Variants in MAU2 observed in about 807,000 individuals in gnomAD.
MAU2 encodes the protein MAU2 sister chromatid cohesion factor.
A neutral mutation model predicts 89.1 loss-of-function variants in MAU2; 9 were observed. The observed-to-expected ratio is 0.10, with a 90% confidence interval of 0.06 to 0.18. MAU2 has a LOEUF of 0.18. MAU2 is among the 10% of genes least tolerant of loss of function. MAU2 has a pLI of 1.00. For missense variants in MAU2, 425 were observed against 803.5 expected, an observed-to-expected ratio of 0.53 and a Z score of 5.69; for synonymous variants, 357 against 343.4, an observed-to-expected ratio of 1.04 and a Z score of -0.44.
At position 19,356,190 on chromosome 19, in the gene MAU2, G is replaced by A. The variant is rs2048177003; in HGVS notation, c.*408G>A. On this transcript the variant is annotated 3_prime_UTR_variant, in exon 19 of 19. Transcript: ENST00000262815. Reference sequence around the variant, plus strand: ...ATCACCCAGGCCTTGATGCCGAGCGGGAGTAGAGTGTTTCCTCTGCTCAAG... The same window carrying A: ...ATCACCCAGGCCTTGATGCCGAGCGAGAGTAGAGTGTTTCCTCTGCTCAAG... 2.6e-6 allele frequency: 1 copy of A among 381,736 alleles called. No homozygotes were observed. The highest frequency in any genetic ancestry group is 2.1e-5 in the African/African-American group (1 of 48,062). The allele number at this position is 381,736 out of a possible 1,614,324, so 23.6% of individuals were successfully genotyped here. A position where few individuals can be genotyped will look rare whatever the true frequency, so the allele number is the denominator to read the frequency against.
chr19:19,321,123 C>T lies in MAU2; in HGVS notation c.264C>T (p.His88=), dbSNP rs780446031. 3.8e-6 allele frequency: 6 copies of T among 1,592,730 alleles called. No homozygotes were observed. Among genetic ancestry groups the T allele is most frequent in the Non-Finnish European group, 5.1e-6 (6 of 1,170,180 alleles). ...AGAACAGCGAGCAGGCGCGCAGCCACCTGGAGAAGGCGGTGAGCGCGGGCC... is the reference window on the plus strand; with the variant it reads ...AGAACAGCGAGCAGGCGCGCAGCCATCTGGAGAAGGCGGTGAGCGCGGGCC... ...HTKNSEQARS[H]LEKAWLISQQ... Residue 88 remains histidine, a synonymous_variant, in exon 1 of 19, where the codon CAC becomes CAT. Coordinates refer to ENST00000262815, the MANE Select transcript of MAU2 (RefSeq NM_015329.4).
chr19:19,350,861 C>T (rs898398419), intron 16 of MAU2, among the ~76,000 whole-genome samples: 11 of 148,860 alleles, frequency 7.4e-5, no homozygotes, highest in Admixed American at 1.4e-4. Context: ...GATCCCACCA[C>T]TGCACTCCAG....
intron 1 of MAU2, among the ~76,000 whole-genome samples, chr19:19,328,615 G>A (rs988897318): frequency 2.5e-4 from 38 of 152,136 alleles, no homozygotes; most frequent in Admixed American, 4.6e-4. Context: ...TAGAGACGGG[G>A]TTTCACCATG....
chr19:19,335,553 GA>G (rs1446559623), intron 1 of MAU2, among the ~76,000 whole-genome samples, 164 bp from the exon 2 acceptor site: 1 of 152,190 alleles, frequency 6.6e-6, no homozygotes, highest in Non-Finnish European at 1.5e-5. Flanking sequence ...GGCTGGATTG[GA>G]GGGGAGTAAG....
rs1183894275 is a variant in MAU2 at position 19,358,615 on chromosome 19, T to C, written c.*2833T>C. On this transcript the variant is annotated 3_prime_UTR_variant, in exon 19 of 19. Transcript: ENST00000262815. ...TAACGGTTTTAGCAGCCTATAACTT[T>C]TCAGCTGGTGCTTTTACTTAGGGAA... is the stretch of plus-strand genomic sequence containing the variant. 2 of 152,282 alleles carry C rather than the reference T, an allele frequency of 1.3e-5. No homozygotes were observed. Among genetic ancestry groups the C allele is most frequent in the African/African-American group, 4.8e-5 (2 of 41,480 alleles). The allele number at this position is 152,282 out of a possible 1,614,324, so 9.4% of individuals were successfully genotyped here.
rs2048164640 is a variant in MAU2, at chr19:19,355,253, C to T, written c.1640-11C>T. The T allele has an allele frequency of 6.2e-7, 1 of 1,613,590 alleles. No individual in the cohort carries two copies. Among genetic ancestry groups the T allele is most frequent in the Non-Finnish European group, 8.5e-7 (1 of 1,179,952 alleles). ...GCAAGGCGGGCCCCCATGCTCATGT[C>T]CCACTCTCAGACCTGAATAAAGCCT... is the stretch of plus-strand genomic sequence containing the variant. On this transcript the variant is annotated splice_polypyrimidine_tract_variant and intron_variant, in intron 17 of 18. Coordinates refer to ENST00000262815, the MANE Select transcript of MAU2 (RefSeq NM_015329.4).
chr19:19,342,710 G>C, intron 8 of MAU2, 29 bp downstream of exon 8: 1 of 1,612,164 alleles, frequency 6.2e-7, no homozygotes, highest in Admixed American at 1.7e-5. Context: ...CCGGGCCAGG[G>C]CTGGGGGCGG....
rs143939101 is a variant in MAU2, at chr19:19,328,339, T to C, written c.276+7204T>C. ...TTTTTTCTTATTTTCCCACCTGTCTTTTAAGCAGACAGATCCATCTTGGTC... is the reference window on the plus strand; with the variant it reads ...TTTTTTCTTATTTTCCCACCTGTCTCTTAAGCAGACAGATCCATCTTGGTC... On this transcript the variant is annotated intron_variant, in intron 1 of 18. Transcript: ENST00000262815. 5.6e-3 allele frequency among the ~76,000 whole-genome samples: 851 copies of C among 152,192 alleles called. 6 individuals are homozygous for C. The highest frequency in any genetic ancestry group is 0.02 in the African/African-American group (812 of 41,500).
chr19:19,331,380 T>C (rs929217387), intron 1 of MAU2, among the ~76,000 whole-genome samples: 5 of 151,748 alleles, frequency 3.3e-5, no homozygotes, highest in African/African-American at 1.2e-4. Flanking sequence ...CGGGCGCCTG[T>C]AGTCCCAGCT....
chr19:19,332,349 T>TTTAGAGCGAGAGACAGGGTCTCGC, intron 1 of MAU2, among the ~76,000 whole-genome samples: 1 of 150,648 alleles, frequency 6.6e-6, no homozygotes, highest in East Asian at 1.9e-4. Flanking sequence ...TTTTTTTTTT[T>TTTAGAGCGAGAGACAGGGTCTCGC]TAGAGCGAGA....
rs2061721306 is a variant in MAU2, at chr19:19,349,181, T to A, written c.1385T>A (p.Phe462Tyr). 6.2e-7 allele frequency: 1 copy of A among 1,614,018 alleles called. No individual in the cohort carries two copies. The highest frequency in any genetic ancestry group is 8.5e-7 in the Non-Finnish European group (1 of 1,180,040). The change falls in exon 15 of 19, where the codon TTC becomes TAC. Residue 462 changes from phenylalanine to tyrosine, a missense_variant. Phe to Tyr is a conservative substitution (Grantham distance 22, BLOSUM62 3). Coordinates refer to ENST00000262815, the MANE Select transcript of MAU2 (RefSeq NM_015329.4). ...VSSHCLRAAA[F>Y]YVRGLFSFFQ... ...TCGCACTGCCTCCGAGCAGCCGCCT[T>A]CTATGTGCGTGGGCTCTTCTCCTTC...
At chr19:19,347,021 G>C in intron 12 of MAU2, 1 of 475,782 alleles carries the variant, frequency 2.1e-6, no homozygotes, top group Non-Finnish European at 3.8e-6. Flanking sequence ...AACCCGACAT[G>C]TTCTGAGGGT....
chr19:19,346,884 G>A (rs533888469), intron 12 of MAU2: 2 of 169,846 alleles, frequency 1.2e-5, no homozygotes, highest in South Asian at 3.2e-4. Flanking sequence ...TATGAAGAGT[G>A]ACCCCCGCCT....
rs2061682747 is a variant in MAU2 at position 19,345,135 on chromosome 19, G to A, written c.1156-169G>A. ...TCTTGTCCCACCCCACATTGGCTTG[G>A]GTCTGAAAGGTGGGGACAGTGAGCA... is the stretch of plus-strand genomic sequence containing the variant. On this transcript the variant is annotated intron_variant, in intron 11 of 18. Coordinates refer to ENST00000262815, the MANE Select transcript of MAU2 (RefSeq NM_015329.4). This position sits in a 1 kb window ranked among gnomAD's most constrained non-coding sequence, Gnocchi z 4.9. 1.4e-6 allele frequency: 1 copy of A among 723,738 alleles called. No homozygotes were observed. Among genetic ancestry groups the A allele is most frequent in the Non-Finnish European group, 2.4e-6 (1 of 422,606 alleles). The allele number at this position is 723,738 out of a possible 1,614,324, so 44.8% of individuals were successfully genotyped here. A position where few individuals can be genotyped will look rare whatever the true frequency, so the allele number is the denominator to read the frequency against.
intron 4 of MAU2, among the ~76,000 whole-genome samples, chr19:19,338,170 GC>G (rs2061612609): frequency 6.6e-6 from 1 of 152,230 alleles, no homozygotes; most frequent in South Asian, 2.1e-4. Flanking sequence ...AGCTCCCCCA[GC>G]AGCCAGGAGT....
intron 16 of MAU2, 80 bp downstream of exon 16, chr19:19,349,516 G>A: frequency 1.6e-6 from 2 of 1,240,538 alleles, no homozygotes; most frequent in East Asian, 2.3e-5. Flanking sequence ...GCACCCTAAG[G>A]GTGGCATGGC....
At chr19:19,351,578 G>T (rs2061745066) in intron 16 of MAU2, among the ~76,000 whole-genome samples, 1 of 151,848 alleles carries the variant, frequency 6.6e-6, no homozygotes, top group African/African-American at 2.4e-5. Context: ...TAATTGGGAG[G>T]CTGAGGTGGG....
rs1274606263 is a variant in MAU2, at chr19:19,320,897, C to T, written c.38C>T (p.Ala13Val). The change falls in exon 1 of 19, where the codon GCG becomes GTG. Residue 13 changes from alanine to valine, a missense_variant. By Grantham distance (64) the Ala-to-Val change is moderately conservative (BLOSUM62 0). This residue lies in a region of MAU2 where 61 missense variants were observed against 40.1 expected (regional missense o/e 1.52). Transcript: ENST00000262815. ...GCGGCGGCAGCGGCCCAGGCGGCGG[C>T]GGCCCAGGCTGCGCAGGCCGAGGCG... ...AQAAAAAQAAAAQAAQAEAAD... is the reference protein window; with the variant it reads ...AQAAAAAQAAVAQAAQAEAAD... 5 of 1,524,628 alleles carry T rather than the reference C, an allele frequency of 3.3e-6. No homozygotes were observed. Among genetic ancestry groups the T allele is most frequent in the Admixed American group, 4.1e-5 (2 of 48,472 alleles). 94.4% of individuals were successfully genotyped at this position (1,524,628 alleles called of 1,614,324 possible).
intron 10 of MAU2, 43 bp from the exon 11 acceptor site, chr19:19,344,806 C>G: frequency 7.8e-6 from 12 of 1,545,528 alleles, no homozygotes; most frequent in Non-Finnish European, 9.8e-6. Flanking sequence ...ACGCCAGGTC[C>G]CAGGTTGCAG....
Sources: gnomAD v4.1 joint callset for allele counts (sites outside exome capture counted in the v4.1 genomes callset) on GRCh38, gnomAD v4.1.1 for gene constraint, gnomAD v4.1.1 regional missense constraint, Gnocchi (gnomAD v3.1) non-coding constraint, MANE v1.5 for transcripts, NCBI Gene and HGNC (gene_info 2026-07-23, HGNC 2026-07-21) for gene names.